The following ATP8A2 variants were observed in gnomAD, a reference collection of about 807,000 sequenced individuals.
The protein encoded by ATP8A2 is phospholipid-transporting ATPase IB.
A neutral mutation model predicts 165.6 loss-of-function variants in ATP8A2; 100 were observed. That is an observed-to-expected ratio of 0.60 (90% CI 0.51 to 0.71). The LOEUF (loss-of-function observed/expected upper bound fraction) is 0.71, where lower values mean the gene tolerates loss of function less well. Ranked by LOEUF, ATP8A2 falls within the 30% of genes least tolerant of loss-of-function variation. The probability of loss-of-function intolerance (pLI) is 0.00; values close to 1 mark genes in which losing one functional copy is unlikely to be tolerated. For synonymous variants in ATP8A2, 543 were observed against 548.8 expected, an observed-to-expected ratio of 0.99 and a Z score of 0.15; for missense variants, 1,227 against 1,479.5, an observed-to-expected ratio of 0.83 and a Z score of 2.80.
At chr13:25,730,514 C>T (rs150399915) in intron 25 of ATP8A2, among the ~76,000 whole-genome samples, 1 of 152,180 alleles carries the variant, frequency 6.6e-6, no homozygotes, top group Non-Finnish European at 1.5e-5. Flanking sequence ...GTAGCTTCAA[C>T]TCTGCTTAGA....
intron 2 of ATP8A2, among the ~76,000 whole-genome samples, chr13:25,502,037 A>G (rs190397267): frequency 1.6e-4 from 24 of 152,374 alleles, no homozygotes; most frequent in Admixed American, 6.5e-4. Flanking sequence ...TTTATTAACA[A>G]TGCAAGTTCA....
chr13:25,807,497 A>G (rs1950767983), intron 27 of ATP8A2, among the ~76,000 whole-genome samples: 1 of 152,226 alleles, frequency 6.6e-6, no homozygotes, highest in African/African-American at 2.4e-5. Flanking sequence ...TGACTAAAAC[A>G]GAGAGGATTT....
chr13:25,885,401 C>A (rs1055104768), intron 33 of ATP8A2, among the ~76,000 whole-genome samples: 1 of 152,084 alleles, frequency 6.6e-6, no homozygotes, highest in Admixed American at 6.5e-5. Flanking sequence ...GCATGAGCCA[C>A]CGCACCAAGC....
intron 1 of ATP8A2, among the ~76,000 whole-genome samples, chr13:25,456,239 C>T (rs746718606): frequency 1.3e-5 from 2 of 152,206 alleles, no homozygotes; most frequent in African/African-American, 4.8e-5. Context: ...TGGAAGTACT[C>T]GTCTTTCTCT....
chr13:25,993,670 G>A (rs750819243), intron 35 of ATP8A2, among the ~76,000 whole-genome samples: 1 of 152,042 alleles, frequency 6.6e-6, no homozygotes, highest in Non-Finnish European at 1.5e-5. Context: ...ATGTGAGCCT[G>A]TTTTTTGTTT....
At chr13:25,388,443 C>T (rs1189743821) in intron 1 of ATP8A2, among the ~76,000 whole-genome samples, 2 of 152,154 alleles carry the variant, frequency 1.3e-5, no homozygotes, top group African/African-American at 2.4e-5. Context: ...GTGAGCAATT[C>T]CTGTCCCTTT....
Position 25,530,660 on chromosome 13 carries a change from T to G in ATP8A2, c.420T>G (p.Phe140Leu). 1 of 1,554,932 alleles carries G rather than the reference T, an allele frequency of 6.4e-7. No homozygotes were observed. The highest frequency in any genetic ancestry group is 8.8e-7 in the Non-Finnish European group (1 of 1,136,680). ...GCATCAAAGAGATTGTAGAAGATTT[T>G]GTAAGTTTTTGCTTTTGGATAATAA... ...IAGIKEIVED[F>L]KRHKADNAVN... Residue 140 changes from phenylalanine (F) to leucine (L), a missense_variant and splice_region_variant, in exon 4 of 37, where the codon TTT becomes TTG. Phe to Leu is a conservative substitution (Grantham distance 22). Around this residue, in one of 5 missense-constraint regions of ATP8A2, gnomAD observed 356 missense variants for 394.9 expected, o/e 0.90. Transcript: ENST00000381655.
chr13:25,468,464 G>T (rs1341982028), intron 1 of ATP8A2, among the ~76,000 whole-genome samples: 1 of 152,196 alleles, frequency 6.6e-6, no homozygotes, highest in African/African-American at 2.4e-5. Flanking sequence ...CTTCTGCGGT[G>T]GCTGCTTGCA....
intron 30 of ATP8A2, among the ~76,000 whole-genome samples, chr13:25,853,651 C>T (rs1952076718): frequency 6.6e-6 from 1 of 152,054 alleles, no homozygotes; most frequent in South Asian, 2.1e-4. Context: ...TTTGTCTGAT[C>T]AGAGTTTTCT....
rs1046325624 is a variant in ATP8A2, at chr13:25,903,612, A to T, written c.3183+41204A>T. The stretch of plus-strand genomic sequence containing the variant: ...ATCCCTGCCACTGCTGTCCTTGCTC[A>T]TTGCTCTCTGCCACGGTGGTCTCGT... On this transcript the variant is annotated intron_variant, in intron 33 of 36. Transcript: ENST00000381655. Among the ~76,000 whole-genome samples, 3 of 152,084 alleles carry T rather than the reference A, an allele frequency of 2.0e-5. No individual in the cohort carries two copies. In the South Asian group the frequency reaches 6.2e-4, roughly 32 times the overall value.
At chr13:25,451,397 C>T (rs2035221538) in intron 1 of ATP8A2, among the ~76,000 whole-genome samples, 1 of 152,084 alleles carries the variant, frequency 6.6e-6, no homozygotes, top group Non-Finnish European at 1.5e-5. Context: ...GTTTGTTTCT[C>T]TTCTCTTGGG....
intron 24 of ATP8A2, among the ~76,000 whole-genome samples, chr13:25,643,359 T>C (rs1327499298): frequency 2.0e-5 from 3 of 152,162 alleles, no homozygotes; most frequent in African/African-American, 7.2e-5. Flanking sequence ...GATGGACATT[T>C]GGGTTGCTTG....
At chr13:25,819,848 G>A (rs187997385) in intron 27 of ATP8A2, among the ~76,000 whole-genome samples, 1 of 152,204 alleles carries the variant, frequency 6.6e-6, no homozygotes, top group East Asian at 1.9e-4. Context: ...AAAACCTGAA[G>A]CATTTTGACA....
intron 30 of ATP8A2, among the ~76,000 whole-genome samples, chr13:25,848,417 G>A (rs1004925441): frequency 6.6e-6 from 1 of 152,192 alleles, no homozygotes; most frequent in Non-Finnish European, 1.5e-5. Context: ...GGCCTAGCAC[G>A]GCATGGGGTG....
chr13:25,970,660 G>A (rs1037801141), intron 35 of ATP8A2, among the ~76,000 whole-genome samples: 7 of 152,164 alleles, frequency 4.6e-5, no homozygotes, highest in African/African-American at 9.7e-5. Flanking sequence ...ATTAAGGTTC[G>A]TGAAATATGT....
chr13:25,735,850 T>C (rs1182180728), intron 25 of ATP8A2, among the ~76,000 whole-genome samples: 1 of 152,210 alleles, frequency 6.6e-6, no homozygotes, highest in African/African-American at 2.4e-5. Flanking sequence ...ATTTATAAAG[T>C]CTACAGTAGG....
chr13:25,523,596 G>T (rs576023237), intron 2 of ATP8A2, among the ~76,000 whole-genome samples: 1 of 152,162 alleles, frequency 6.6e-6, no homozygotes, highest in South Asian at 2.1e-4. Context: ...AGTCTTGGTA[G>T]GTTTTATGTG....
At chr13:25,879,067 G>C (rs1004464882) in intron 33 of ATP8A2, among the ~76,000 whole-genome samples, 4 of 152,220 alleles carry the variant, frequency 2.6e-5, no homozygotes, top group African/African-American at 9.6e-5. Context: ...GCATGTGGAC[G>C]GGGCAGGAGA....
chr13:25,979,393 C>A (rs566870867), intron 35 of ATP8A2, among the ~76,000 whole-genome samples: 2 of 152,114 alleles, frequency 1.3e-5, no homozygotes, highest in African/African-American at 4.8e-5. Flanking sequence ...CTTCTGTAGA[C>A]CAGGACACGT....
Sources: allele counts gnomAD v4.1 joint callset (sites outside exome capture counted in the v4.1 genomes callset), GRCh38; gene constraint gnomAD v4.1.1; regional missense constraint gnomAD v4.1.1; transcripts MANE v1.5; gene names NCBI Gene and HGNC (gene_info 2026-07-23, HGNC 2026-07-21).